Variants in ZNF721 observed in about 807,000 individuals in gnomAD.
The protein encoded by ZNF721 is zinc finger protein 721.
A neutral mutation model predicts 2.4 loss-of-function variants in ZNF721; 2 were observed. That is an observed-to-expected ratio of 0.82 (90% CI 0.34 to 2.58). The LOEUF (loss-of-function observed/expected upper bound fraction) is 2.58. ZNF721 is among the 30% of genes most tolerant of loss of function. The pLI is 0.11. For synonymous variants in ZNF721, 398 were observed against 381.8 expected (o/e 1.04, Z -0.50); for missense variants, 1,187 against 1,085.5 (o/e 1.09, Z -1.31).
intron 1 of ZNF721, among the ~76,000 whole-genome samples, chr4:477,404 AT>A (rs1369174560): frequency 6.6e-6 from 1 of 151,658 alleles, no homozygotes. Context: ...CACCCAGCTA[AT>A]TTTTTTGTAT....
At chr4:494,245 C>A (rs982877177) in intron 1 of ZNF721, among the ~76,000 whole-genome samples, 4 of 151,304 alleles carry the variant, frequency 2.6e-5, no homozygotes, top group Non-Finnish European at 5.9e-5. Context: ...GCAGTGGCGC[C>A]ATGTCGGCTC....
At chr4:450,951 AAAAAAATATATATATATATATAT>A (rs1385001032) in intron 2 of ZNF721, among the ~76,000 whole-genome samples, 3 of 50,228 alleles carry the variant, frequency 6.0e-5, no homozygotes, top group East Asian at 4.9e-4. Flanking sequence ...AAAAAAAAAA[AAAAAAATATATATATATATATAT>A]ATATATATAT....
Position 443,495 on chromosome 4 carries a change from C to G in ZNF721, c.972G>C (p.Arg324Ser), listed in dbSNP as rs782082257. The G allele has an allele frequency of 1.2e-5, 20 of 1,613,570 alleles. No homozygotes were observed. Among genetic ancestry groups the G allele is most frequent in the Non-Finnish European group, 1.7e-5 (20 of 1,179,860 alleles). ...FRQSANLYVH[R>S]RIHTGEKPYT... ...AGGGTTTCTCTCCAGTATGAATTCT[C>G]CTATGTACATAAAGGTTTGCGGACT... The change falls in exon 3 of 3, where the codon AGG becomes AGC. Residue 324 changes from arginine to serine, a missense_variant. Coordinates refer to ENST00000511833, the MANE Select transcript of ZNF721 (RefSeq NM_133474.4).
At position 441,715 on chromosome 4, in the gene ZNF721, C is replaced by A. The variant is rs1553863114; in HGVS notation, c.2752G>T (p.Asp918Tyr). The change falls in exon 3 of 3, where the codon GAT (aspartate) becomes TAT (tyrosine). Residue 918 changes from aspartate to tyrosine, a missense_variant. By Grantham distance (160) the Asp-to-Tyr change is radical (BLOSUM62 -3). Transcript: ENST00000511833. ...LYAHKKIHTG[D>Y]KTIQV Reference sequence around the variant, plus strand: ...ATTCTTTACACTTGTATGGTTTTATCTCCAGTATGAATTTTCTTATGTGCA... The same window carrying A: ...ATTCTTTACACTTGTATGGTTTTATATCCAGTATGAATTTTCTTATGTGCA... The A allele has an allele frequency of 1.9e-6, 3 of 1,609,950 alleles. No homozygotes were observed. The highest frequency in any genetic ancestry group is 2.5e-6 in the Non-Finnish European group (3 of 1,177,516).
chr4:494,236 C>T (rs1287316570), intron 1 of ZNF721, among the ~76,000 whole-genome samples: 8 of 149,860 alleles, frequency 5.3e-5, no homozygotes, highest in Non-Finnish European at 1.0e-4. Context: ...GGCTGGAGTG[C>T]AGTGGCGCCA....
chr4:483,914 C>T lies in ZNF721; in HGVS notation c.-93-11213G>A, dbSNP rs376029255. 1.3e-3 allele frequency among the ~76,000 whole-genome samples: 204 copies of T among 152,188 alleles called. 4 individuals are homozygous for T. The South Asian group carries it at 0.039, about 29-fold the overall frequency. On this transcript the variant is annotated intron_variant, in intron 1 of 2. Transcript: ENST00000511833. ...GCAACCTCAGCCTCCTGGATTCAAG[C>T]GATTCTCCTGCCTCAGCCTCCCGAG...
Position 442,906 on chromosome 4 carries a change from T to C in ZNF721, c.1561A>G (p.Arg521Gly). ...TAGGGTTTCTCTCCAGTATGAATTC[T>C]CCTATGTTTAGTAAGGGTTGTGGAA... is the stretch of plus-strand genomic sequence containing the variant. Reference protein sequence around the residue: ...TSSTTLTKHRRIHTGEKPYTC... With the variant: ...TSSTTLTKHRGIHTGEKPYTC... The change falls in exon 3 of 3, where the codon AGA (arginine) becomes GGA (glycine). Residue 521 changes from arginine to glycine, a missense_variant. By Grantham distance (125) the Arg-to-Gly change is moderately radical. Transcript: ENST00000511833. 3 of 1,613,994 alleles carry C rather than the reference T, an allele frequency of 1.9e-6. No homozygotes were observed. The highest frequency in any genetic ancestry group is 2.2e-5 in the East Asian group (1 of 44,850).
chr4:475,129 G>A (rs1031542268), intron 1 of ZNF721, among the ~76,000 whole-genome samples: 1 of 151,840 alleles, frequency 6.6e-6, no homozygotes, highest in East Asian at 1.9e-4. Flanking sequence ...GGAGCTTCTT[G>A]TTAGTTGAGA....
chr4:467,098 T>C (rs1295096148), intron 2 of ZNF721, among the ~76,000 whole-genome samples: 6 of 151,998 alleles, frequency 3.9e-5, no homozygotes, highest in African/African-American at 1.2e-4. Flanking sequence ...GGCAGGTACC[T>C]GTAGTCCCAG....
chr4:478,659 T>C (rs1553868947), intron 1 of ZNF721, among the ~76,000 whole-genome samples: 1 of 152,232 alleles, frequency 6.6e-6, no homozygotes, highest in African/African-American at 2.4e-5. Context: ...ACTTTTGATT[T>C]TGGAATAATA....
chr4:473,516 A>G (rs1715528812), intron 1 of ZNF721, among the ~76,000 whole-genome samples: 1 of 152,002 alleles, frequency 6.6e-6, no homozygotes, highest in Non-Finnish European at 1.5e-5. Context: ...CACACCTCAC[A>G]AAAGTCTTTT....
intron 1 of ZNF721, among the ~76,000 whole-genome samples, chr4:497,732 C>CCAA (rs1553872716): frequency 0.16 from 20,304 of 123,814 alleles, 1,854 homozygotes; most frequent in South Asian, 0.25. Context: ...CTAAAAAATA[C>CCAA]AAAAAAAAAA....
chr4:463,211 A>G (rs1560234191), intron 2 of ZNF721, among the ~76,000 whole-genome samples: 1 of 152,134 alleles, frequency 6.6e-6, no homozygotes, highest in Non-Finnish European at 1.5e-5. Flanking sequence ...ATAAGATACC[A>G]TCTTATGCCA....
At chr4:465,629 C>T (rs1324487176) in intron 2 of ZNF721, among the ~76,000 whole-genome samples, 1 of 151,782 alleles carries the variant, frequency 6.6e-6, no homozygotes, top group Non-Finnish European at 1.5e-5. Context: ...AGATGGGTTT[C>T]CACCATGTTA....
At chr4:462,519 G>T (rs921786911) in intron 2 of ZNF721, among the ~76,000 whole-genome samples, 9 of 152,056 alleles carry the variant, frequency 5.9e-5, no homozygotes, top group Admixed American at 5.9e-4. Flanking sequence ...AAGGCTACAG[G>T]AACCAAAACA....
At chr4:495,806 G>T (rs1553872142) in intron 1 of ZNF721, among the ~76,000 whole-genome samples, 4 of 152,096 alleles carry the variant, frequency 2.6e-5, no homozygotes, top group African/African-American at 9.7e-5. Context: ...GTTTCACCAT[G>T]TTGGCCAGGA....
chr4:444,521 G>A (rs1714407869), intron 2 of ZNF721, 89 bp from the exon 3 acceptor site: 3 of 1,273,480 alleles, frequency 2.4e-6, no homozygotes, highest in Non-Finnish European at 3.2e-6. Flanking sequence ...AAGTACGCTA[G>A]TAAGATCACA....
At chr4:452,526 G>C (rs115585441) in intron 2 of ZNF721, among the ~76,000 whole-genome samples, 1 of 152,174 alleles carries the variant, frequency 6.6e-6, no homozygotes, top group Non-Finnish European at 1.5e-5. Flanking sequence ...ACTGGGGACA[G>C]AAAGAGAGCG....
At position 444,055 on chromosome 4, in the gene ZNF721, T is replaced by C. The variant is rs782216868; in HGVS notation, c.412A>G (p.Thr138Ala). The change falls in exon 3 of 3, where the codon ACT (threonine) becomes GCT (alanine). Residue 138 changes from threonine (T) to alanine (A), a missense_variant. By Grantham distance (58) the Thr-to-Ala change is moderately conservative. Coordinates refer to ENST00000511833, the MANE Select transcript of ZNF721 (RefSeq NM_133474.4). ...AAGTCTTTGCCACGTTCTTCACAAGTGTAGGGTTTCTCTCCAGCATGAATT... is the reference window on the plus strand; with the variant it reads ...AAGTCTTTGCCACGTTCTTCACAAGCGTAGGGTTTCTCTCCAGCATGAATT... ...KGIHAGEKPYTCEERGKDFGW... is the reference protein window; with the variant it reads ...KGIHAGEKPYACEERGKDFGW... The C allele has an allele frequency of 1.2e-6, 2 of 1,613,736 alleles. No homozygotes were observed. The highest frequency in any genetic ancestry group is 8.5e-7 in the Non-Finnish European group (1 of 1,179,780).
Sources: allele counts gnomAD v4.1 joint callset (sites outside exome capture counted in the v4.1 genomes callset), GRCh38; gene constraint gnomAD v4.1.1; transcripts MANE v1.5; gene names NCBI Gene and HGNC (gene_info 2026-07-23, HGNC 2026-07-21).